Variants in FRMPD2 observed in about 807,000 individuals in gnomAD.
FRMPD2 encodes FERM and PDZ domain containing 2.
In FRMPD2, 96 loss-of-function variants were observed where a neutral mutation model predicts 140.1. The observed-to-expected ratio is 0.69, with a 90% CI of 0.58 to 0.81. The LOEUF (loss-of-function observed/expected upper bound fraction) is 0.81, where lower values mean the gene tolerates loss of function less well. Among genes scored for constraint, FRMPD2 ranks in the 40% least tolerant of loss-of-function variants. FRMPD2 has a pLI of 0.00. For synonymous variants in FRMPD2, 449 were observed against 547.6 expected, an observed-to-expected ratio of 0.82 and a Z score of 2.52; for missense variants, 1,240 against 1,447.4, an observed-to-expected ratio of 0.86 and a Z score of 2.32.
chr10:48,191,405 A>G (rs1194183783), intron 16 of FRMPD2, among the ~76,000 whole-genome samples: 1 of 152,210 alleles, frequency 6.6e-6, no homozygotes, highest in Admixed American at 6.5e-5. Flanking sequence ...TGAAATTTCT[A>G]ATCCAGTTCA....
At chr10:48,234,933 C>T (rs1291121504) in intron 9 of FRMPD2, among the ~76,000 whole-genome samples, 1 of 152,138 alleles carries the variant, frequency 6.6e-6, no homozygotes, top group Non-Finnish European at 1.5e-5. Flanking sequence ...GCCCATCTAC[C>T]CGGTGGGTAG....
intron 25 of FRMPD2, among the ~76,000 whole-genome samples, chr10:48,171,625 C>G (rs1388962388): frequency 1.5e-5 from 2 of 135,322 alleles, no homozygotes; most frequent in Admixed American, 7.4e-5. Context: ...ATTCTTCTTA[C>G]GAACTAAGCT....
In FRMPD2 at chr10:48,206,931, G is replaced by A; in HGVS notation, c.1614C>T (p.Val538=). Residue 538 remains valine, a splice_region_variant and synonymous_variant, in exon 14 of 29, where the codon GTC becomes GTT. Transcript: ENST00000374201. ...GEDAELKFLR[V]TQQLPEYGVL... ...CACCGTATTCTGGGAGCTGCTGAGT[G>A]ACCTGGAGCAGAAAAAGGCTGATTT... The A allele has an allele frequency of 6.2e-7, 1 of 1,613,328 alleles. No homozygotes were observed. Among genetic ancestry groups the A allele is most frequent in the Non-Finnish European group, 8.5e-7 (1 of 1,179,578 alleles).
At chr10:48,190,026 C>T (rs576914350) in intron 16 of FRMPD2, among the ~76,000 whole-genome samples, 16 of 152,314 alleles carry the variant, frequency 1.1e-4, no homozygotes, top group East Asian at 5.8e-4. Context: ...CACTAGACCA[C>T]GGAGCAAGTA....
rs778393833 is a variant in FRMPD2 at position 48,206,909 on chromosome 10, C to T, written c.1636G>A (p.Gly546Ser). The T allele has an allele frequency of 5.1e-5, 82 of 1,613,854 alleles. 1 individual carries two copies. The Middle Eastern group carries it at 1.5e-3, about 29-fold the overall frequency. Residue 546 changes from glycine to serine, a missense_variant, in exon 14 of 29, where the codon GGT becomes AGT. Physicochemically the swap from Gly to Ser is moderately conservative, Grantham distance 56. Around this residue, in one of 6 missense-constraint regions of FRMPD2, gnomAD observed 1,161 missense variants for 1,055.9 expected, o/e 1.10. Coordinates refer to ENST00000374201, the MANE Select transcript of FRMPD2 (RefSeq NM_001018071.4). Reference sequence around the variant, plus strand: ...GAGAATACTTGGTGAACCAGCACACCGTATTCTGGGAGCTGCTGAGTGACC... The same window carrying T: ...GAGAATACTTGGTGAACCAGCACACTGTATTCTGGGAGCTGCTGAGTGACC... Reference protein sequence around the residue: ...LRVTQQLPEYGVLVHQVFSEK... With the variant: ...LRVTQQLPEYSVLVHQVFSEK...
rs540574157 is a variant in FRMPD2, at chr10:48,201,620, C to G, written c.1798-236G>C. 47 of 390,606 alleles carry G rather than the reference C, an allele frequency of 1.2e-4. No homozygotes were observed. In the South Asian group the frequency reaches 1.5e-3, roughly 12 times the overall value. 24.2% of individuals were successfully genotyped at this position (390,606 alleles called of 1,614,324 possible). ...TGTTTATCAAACAATAACTATTTTTCAAGGAGTGTGCTGGGTGAGAAGAAT... is the reference window on the plus strand; with the variant it reads ...TGTTTATCAAACAATAACTATTTTTGAAGGAGTGTGCTGGGTGAGAAGAAT... On this transcript the variant is annotated intron_variant, in intron 14 of 28. Coordinates refer to ENST00000374201, the MANE Select transcript of FRMPD2 (RefSeq NM_001018071.4).
rs1564418385 is a variant in FRMPD2 at position 48,185,635 on chromosome 10, A to G, written c.2277T>C (p.Asn759=). The G allele has an allele frequency of 1.2e-6, 2 of 1,613,310 alleles. No homozygotes were observed. ...CAGCTATAAAGCTCTTCCTCCTATT[A>G]TTCTTTGAGCCTAGAGGTAGAATCA... ...PVQSMHAGSK[N]NRRKSFIAEP... The change falls in exon 18 of 29, where the codon AAT becomes AAC. Residue 759 remains asparagine (N), a synonymous_variant. Coordinates refer to ENST00000374201, the MANE Select transcript of FRMPD2 (RefSeq NM_001018071.4).
intron 15 of FRMPD2, among the ~76,000 whole-genome samples, chr10:48,195,649 A>G (rs1838934229): frequency 6.6e-6 from 1 of 152,248 alleles, no homozygotes; most frequent in African/African-American, 2.4e-5. Context: ...AAAAGAAATG[A>G]TATAAAATAT....
intron 1 of FRMPD2, among the ~76,000 whole-genome samples, chr10:48,265,920 A>C (rs1018865733): frequency 1.3e-5 from 2 of 152,166 alleles, no homozygotes; most frequent in Admixed American, 6.5e-5. Flanking sequence ...GCATGTGTAT[A>C]TTCATTGCAG....
At chr10:48,183,622 G>A (rs768435040) in intron 20 of FRMPD2, among the ~76,000 whole-genome samples, 36 of 151,840 alleles carry the variant, frequency 2.4e-4, no homozygotes, top group Non-Finnish European at 4.1e-4. Context: ...AGGCTGAGGC[G>A]GGCAGATCAC....
intron 2 of FRMPD2, among the ~76,000 whole-genome samples, chr10:48,250,908 T>A (rs1840363231): frequency 6.6e-6 from 1 of 151,290 alleles, no homozygotes; most frequent in East Asian, 2.0e-4. Flanking sequence ...GAAATTCTCC[T>A]GTCTCCGCCT....
rs151316269 is a variant in FRMPD2, at chr10:48,211,341, G to A, written c.1611+613C>T. Among the ~76,000 whole-genome samples the A allele has an allele frequency of 5.4e-3, 818 of 152,374 alleles. 6 individuals carry two copies. Among genetic ancestry groups the A allele is most frequent in the African/African-American group, 0.019 (774 of 41,584 alleles). On this transcript the variant is annotated intron_variant, in intron 13 of 28. Coordinates refer to ENST00000374201, the MANE Select transcript of FRMPD2 (RefSeq NM_001018071.4). ...GCACAGGCCACAGCAGCTGTGCTAT[G>A]TTGAGGACTGCTGCCTGCAGGGCTG... is the stretch of plus-strand genomic sequence containing the variant.
chr10:48,274,730 A>AGT, upstream of FRMPD2: 1 of 662,370 alleles, frequency 1.5e-6, no homozygotes, highest in Admixed American at 2.5e-5. Flanking sequence ...CCAGCGAGTG[A>AGT]GTCAACAAGG....
intron 20 of FRMPD2, 91 bp downstream of exon 20, chr10:48,184,475 C>T (rs1368108551): frequency 2.6e-6 from 2 of 772,050 alleles, no homozygotes; most frequent in Admixed American, 2.1e-5. Flanking sequence ...AGAAGACCTA[C>T]GTGGACTTCA....
chr10:48,181,220 A>G (rs1462058356), intron 20 of FRMPD2, among the ~76,000 whole-genome samples: 2 of 152,274 alleles, frequency 1.3e-5, no homozygotes, highest in African/African-American at 4.8e-5. Context: ...GATAGAGCTT[A>G]CGTGACCCAA....
chr10:48,257,950 A>T (rs147316879), intron 1 of FRMPD2, among the ~76,000 whole-genome samples: 103 of 152,306 alleles, frequency 6.8e-4, no homozygotes, highest in Middle Eastern at 3.4e-3. Flanking sequence ...AATTGTTTCC[A>T]TCTGTCTGCC....
chr10:48,232,453 G>A (rs1478684410), intron 9 of FRMPD2, among the ~76,000 whole-genome samples, 164 bp from the exon 10 acceptor site: 1 of 152,144 alleles, frequency 6.6e-6, no homozygotes, highest in Non-Finnish European at 1.5e-5. Context: ...AGAAACTAAG[G>A]CTCAGAAATG....
At chr10:48,219,236 T>TTC (rs1239192257) in intron 12 of FRMPD2, among the ~76,000 whole-genome samples, 3 of 146,818 alleles carry the variant, frequency 2.0e-5, no homozygotes, top group African/African-American at 7.4e-5. Context: ...CTTTCTTTCT[T>TTC]TTTTTTTTTT....
chr10:48,207,346 C>G (rs189513689), intron 13 of FRMPD2, among the ~76,000 whole-genome samples: 1 of 152,118 alleles, frequency 6.6e-6, no homozygotes, highest in Non-Finnish European at 1.5e-5. Context: ...CTGTTCCAAT[C>G]CCTTTACGTG....
Sources: allele counts gnomAD v4.1 joint callset (sites outside exome capture counted in the v4.1 genomes callset), GRCh38; gene constraint gnomAD v4.1.1; regional missense constraint gnomAD v4.1.1; transcripts MANE v1.5; gene names NCBI Gene and HGNC (gene_info 2026-07-23, HGNC 2026-07-21).